The following HPCAL1 variants were observed in gnomAD, a reference collection of about 807,000 sequenced individuals.
The protein encoded by HPCAL1 is hippocalcin like 1, also known as hippocalcin-like protein 1.
A neutral mutation model predicts 17.1 loss-of-function variants in HPCAL1; 8 were observed. The ratio of observed to expected loss-of-function variants is 0.47; its 90% CI spans 0.27 to 0.84. The LOEUF is 0.84. Among genes scored for constraint, HPCAL1 ranks in the 40% least tolerant of loss-of-function variants. The pLI is 0.13. For missense variants in HPCAL1, 165 were observed against 271.1 expected, an observed-to-expected ratio of 0.61 and a Z score of 2.75; for synonymous variants, 112 against 111.4, an observed-to-expected ratio of 1.01 and a Z score of -0.03.
chr2:10,412,488 G>A (rs1670416063), intron 2 of HPCAL1, among the ~76,000 whole-genome samples: 2 of 152,236 alleles, frequency 1.3e-5, no homozygotes, highest in Admixed American at 6.5e-5. Flanking sequence ...GGGCAGGAAA[G>A]GGCGTGTGCA....
intron 1 of HPCAL1, among the ~76,000 whole-genome samples, chr2:10,361,272 G>T (rs1486685433): frequency 6.6e-6 from 1 of 151,620 alleles, no homozygotes; most frequent in African/African-American, 2.4e-5. Context: ...GAGAGAGAGA[G>T]AGAGAGAGAG....
intron 1 of HPCAL1, among the ~76,000 whole-genome samples, chr2:10,375,711 C>A (rs1667514032): frequency 6.6e-6 from 1 of 152,194 alleles, no homozygotes; most frequent in Non-Finnish European, 1.5e-5. Context: ...AGGGATCATA[C>A]CTTTCTCTGA....
chr2:10,340,549 TC>T (rs1293872146), intron 1 of HPCAL1, among the ~76,000 whole-genome samples: 1 of 152,184 alleles, frequency 6.6e-6, no homozygotes, highest in Non-Finnish European at 1.5e-5. Flanking sequence ...GGAGGGGGTG[TC>T]ATACCTGTTG....
chr2:10,388,551 C>T (rs1225668077), intron 1 of HPCAL1, among the ~76,000 whole-genome samples: 2 of 152,274 alleles, frequency 1.3e-5, no homozygotes, highest in Admixed American at 6.5e-5. Context: ...GCAGGTCTCA[C>T]GGTCTCCCGT....
intron 1 of HPCAL1, among the ~76,000 whole-genome samples, chr2:10,315,892 A>T (rs1009364109): frequency 6.6e-6 from 1 of 152,180 alleles, no homozygotes; most frequent in Non-Finnish European, 1.5e-5. Context: ...CTGTAGTGCC[A>T]GCTACTCGGG....
intron 1 of HPCAL1, among the ~76,000 whole-genome samples, chr2:10,360,779 GA>G (rs1257086981): frequency 1.3e-5 from 2 of 151,948 alleles, no homozygotes; most frequent in Non-Finnish European, 2.9e-5. Context: ...TTTTCCTGGT[GA>G]GGCCTCAGCC....
chr2:10,390,998 G>A (rs1668655211), intron 1 of HPCAL1, among the ~76,000 whole-genome samples: 1 of 152,328 alleles, frequency 6.6e-6, no homozygotes, highest in Middle Eastern at 3.4e-3. Flanking sequence ...CTTGAAGGCA[G>A]AGAGATCTTA....
chr2:10,423,069 GATGGACACCAACA>G lies in HPCAL1; in HGVS notation c.469_481del (p.Asp157ThrfsTer112). 6.2e-7 allele frequency: 1 copy of G among 1,612,696 alleles called. No homozygotes were observed. Among genetic ancestry groups the G allele is most frequent in the Non-Finnish European group, 8.5e-7 (1 of 1,179,148 alleles). On this transcript the variant is annotated frameshift_variant, in exon 4 of 5. Coordinates refer to ENST00000307845, the MANE Select transcript of HPCAL1 (RefSeq NM_002149.4). LOFTEE classifies it high-confidence loss of function. ...AGCGCACAGACAAGATCTTCAGGCA[GATGGACACCAACA>G]ATGACGGTAGTGCGGGGTGGGGGCG...
rs1468558386 is a variant in HPCAL1, at chr2:10,330,173, T to C, written c.-111+26996T>C. 1 of 152,220 alleles carries C rather than the reference T, an allele frequency of 6.6e-6. No individual in the cohort carries two copies. The allele number at this position is 152,220 out of a possible 1,614,324, so 9.4% of individuals were successfully genotyped here. ...TTTCAGAGCGGCCTTTATGCTGTGT[T>C]CGGGGCTGTCTGTCGGCGCCACAGG... On this transcript the variant is annotated intron_variant, in intron 1 of 4. Transcript: ENST00000307845. This position sits in a 1 kb window ranked among gnomAD's most constrained non-coding sequence, Gnocchi z 4.2.
At chr2:10,422,460 T>G (rs1050487713) in intron 3 of HPCAL1, among the ~76,000 whole-genome samples, 1 of 152,156 alleles carries the variant, frequency 6.6e-6, no homozygotes, top group Non-Finnish European at 1.5e-5. Context: ...GAGAGACCAG[T>G]GGCTAGACTG....
Position 10,322,128 on chromosome 2 carries a change from T to C in HPCAL1, c.-111+18951T>C, listed in dbSNP as rs1484693483. On this transcript the variant is annotated intron_variant, in intron 1 of 4. Transcript: ENST00000307845. ...GCCTGCAACTCTATGGATTACATGT[T>C]CCTCCTGCCTCAGCCTCTTGAGTTG... Among the ~76,000 whole-genome samples, 22 of 152,176 alleles carry C rather than the reference T, an allele frequency of 1.4e-4. 1 individual carries two copies. Among genetic ancestry groups the C allele is most frequent in the Admixed American group, 1.4e-3 (22 of 15,278 alleles).
At chr2:10,372,978 G>A (rs934965762) in intron 1 of HPCAL1, among the ~76,000 whole-genome samples, 3 of 152,228 alleles carry the variant, frequency 2.0e-5, no homozygotes, top group African/African-American at 7.2e-5. Context: ...AGCCCTACAA[G>A]GGACCCAAGA....
intron 1 of HPCAL1, among the ~76,000 whole-genome samples, chr2:10,312,448 C>G (rs968949718): frequency 6.6e-5 from 10 of 151,454 alleles, no homozygotes; most frequent in African/African-American, 2.2e-4. Flanking sequence ...TCATCATTAT[C>G]ACCATCATCA....
rs1304632998 is a variant in HPCAL1 at position 10,361,063 on chromosome 2, T to TG, written c.-110-35768dup. On this transcript the variant is annotated intron_variant, in intron 1 of 4. Transcript: ENST00000307845. Reference sequence around the variant, plus strand: ...GGACATGGTCCTGAGCCTGTTGGCCTGGGGACTCCTTTTCTGTCATACTAG... The same window carrying TG: ...GGACATGGTCCTGAGCCTGTTGGCCTGGGGGACTCCTTTTCTGTCATACTAG... 2.1e-5 allele frequency among the ~76,000 whole-genome samples: 3 copies of TG among 146,218 alleles called. No individual in the cohort carries two copies. In the East Asian group the frequency reaches 6.1e-4, roughly 30 times the overall value.
In HPCAL1 at chr2:10,426,584, A is replaced by G. The variant is rs190395266; in HGVS notation, c.485-140A>G. The G allele has an allele frequency of 1.3e-5, 9 of 715,314 alleles. No individual in the cohort carries two copies. The East Asian group carries it at 2.3e-4, about 18-fold the overall frequency. 44.3% of individuals were successfully genotyped at this position (715,314 alleles called of 1,614,324 possible). A position where few individuals can be genotyped will look rare whatever the true frequency, so the allele number is the denominator to read the frequency against. On this transcript the variant is annotated intron_variant, in intron 4 of 4. Transcript: ENST00000307845. The stretch of plus-strand genomic sequence containing the variant: ...AGAAATGCCTGTAAAGTGAATGGAG[A>G]CTAGACACCGTCCAGCTTCAAGAAG...
chr2:10,389,562 C>T (rs577860404), intron 1 of HPCAL1, among the ~76,000 whole-genome samples: 1 of 152,334 alleles, frequency 6.6e-6, no homozygotes, highest in South Asian at 2.1e-4. Flanking sequence ...ACTTCCAGCC[C>T]CCAGAACTGT....
At chr2:10,387,254 C>T (rs574592768) in intron 1 of HPCAL1, among the ~76,000 whole-genome samples, 9 of 152,378 alleles carry the variant, frequency 5.9e-5, no homozygotes, top group East Asian at 1.9e-4. Flanking sequence ...GCCAGCCTCA[C>T]GGCCTCCTCA....
intron 1 of HPCAL1, among the ~76,000 whole-genome samples, chr2:10,328,020 C>A (rs900386811): frequency 1.3e-5 from 2 of 152,200 alleles, no homozygotes; most frequent in Admixed American, 6.5e-5. Context: ...ACAAGCTGTT[C>A]ATGGTGTAGC....
intron 1 of HPCAL1, among the ~76,000 whole-genome samples, chr2:10,328,987 T>G (rs1048468653): frequency 6.6e-6 from 1 of 151,980 alleles, no homozygotes. Context: ...TAAATTAAAT[T>G]TTTAATTTTA....
Sources: allele counts gnomAD v4.1 joint callset (sites outside exome capture counted in the v4.1 genomes callset), GRCh38; gene constraint gnomAD v4.1.1; non-coding constraint Gnocchi (gnomAD v3.1); transcripts MANE v1.5; gene names NCBI Gene and HGNC (gene_info 2026-07-23, HGNC 2026-07-21).